Variants in CHRNB3 observed in about 807,000 individuals in gnomAD.
CHRNB3 encodes cholinergic receptor nicotinic beta 3 subunit.
Under a neutral mutation model 40.6 loss-of-function variants are expected in CHRNB3, and 37 were observed. That is an observed-to-expected ratio of 0.91 (90% CI 0.70 to 1.20). CHRNB3 has a LOEUF of 1.20. CHRNB3 is among the 50% of genes most tolerant of loss of function. The pLI is 0.00. For missense variants in CHRNB3, 505 were observed against 551.2 expected, an observed-to-expected ratio of 0.92 and a Z score of 0.84; for synonymous variants, 207 against 207.1, an observed-to-expected ratio of 1.00 and a Z score of 0.00.
intron 3 of CHRNB3, among the ~76,000 whole-genome samples, chr8:42,728,780 A>G (rs984895323): frequency 1.3e-5 from 2 of 152,170 alleles, no homozygotes; most frequent in African/African-American, 4.8e-5. Flanking sequence ...GCCTGCAGTT[A>G]TTATACAGCT....
intron 3 of CHRNB3, among the ~76,000 whole-genome samples, chr8:42,729,215 G>A (rs1282197232): frequency 2.0e-5 from 3 of 151,882 alleles, no homozygotes; most frequent in East Asian, 1.9e-4. Flanking sequence ...AGAGCATCCT[G>A]GCTAACACGG....
chr8:42,735,797 C>G (rs982352447), intron 5 of CHRNB3, among the ~76,000 whole-genome samples: 3 of 152,030 alleles, frequency 2.0e-5, no homozygotes, highest in Non-Finnish European at 2.9e-5. Flanking sequence ...TTGGCAGCAC[C>G]CTTCCTTCTG....
At chr8:42,725,829 C>G in intron 3 of CHRNB3, 5 of 823,526 alleles carry the variant, frequency 6.1e-6, no homozygotes, top group Non-Finnish European at 1.1e-5. Context: ...CATAAGTTTC[C>G]ACTATACGCA....
At chr8:42,716,484 C>A (rs1816108114) in intron 3 of CHRNB3, among the ~76,000 whole-genome samples, 1 of 152,140 alleles carries the variant, frequency 6.6e-6, no homozygotes. Context: ...AGGACAGCGG[C>A]AGCAGAGATA....
At chr8:42,716,099 C>T (rs901238945) in intron 3 of CHRNB3, among the ~76,000 whole-genome samples, 2 of 151,716 alleles carry the variant, frequency 1.3e-5, no homozygotes, top group Non-Finnish European at 2.9e-5. Context: ...CTTCAGCCTC[C>T]CGAGTAGCTG....
At chr8:42,734,915 C>G (rs1441802277) in intron 5 of CHRNB3, among the ~76,000 whole-genome samples, 1 of 151,930 alleles carries the variant, frequency 6.6e-6, no homozygotes, top group Non-Finnish European at 1.5e-5. Flanking sequence ...TGTTTCTTAA[C>G]ATCTTTTAAA....
intron 5 of CHRNB3, among the ~76,000 whole-genome samples, chr8:42,734,737 T>A (rs1236960942): frequency 6.6e-6 from 1 of 151,780 alleles, no homozygotes; most frequent in South Asian, 2.1e-4. Flanking sequence ...TTTTTAGAAA[T>A]ATCCTTCTAC....
chr8:42,729,968 G>T (rs1330236152), intron 3 of CHRNB3, among the ~76,000 whole-genome samples: 1 of 152,142 alleles, frequency 6.6e-6, no homozygotes, highest in Non-Finnish European at 1.5e-5. Context: ...ATGTGTAAGC[G>T]CCTGGAGGCT....
chr8:42,719,436 G>C (rs1410484990), intron 3 of CHRNB3, among the ~76,000 whole-genome samples: 1 of 152,166 alleles, frequency 6.6e-6, no homozygotes, highest in African/African-American at 2.4e-5. Flanking sequence ...TTTGAGGCTA[G>C]GAGTTTGAAA....
chr8:42,706,665 G>A (rs572046179), intron 1 of CHRNB3, among the ~76,000 whole-genome samples: 1 of 152,248 alleles, frequency 6.6e-6, no homozygotes, highest in African/African-American at 2.4e-5. Flanking sequence ...AAGGTTTCCT[G>A]GCTCTTTACA....
chr8:42,710,284 C>T, intron 2 of CHRNB3, 106 bp from the exon 3 acceptor site: 1 of 880,950 alleles, frequency 1.1e-6, no homozygotes, highest in Non-Finnish European at 1.8e-6. Context: ...CACCACTGCA[C>T]TCCAGCCTGG....
rs185455168 is a variant in CHRNB3 at position 42,703,062 on chromosome 8, G to A, written c.52+5464G>A. ...GGTACTTCTTGGCTTTATTGTCTTAGCTTCATTATCAGTTCACTTTTCCTT... is the reference window on the plus strand; with the variant it reads ...GGTACTTCTTGGCTTTATTGTCTTAACTTCATTATCAGTTCACTTTTCCTT... On this transcript the variant is annotated intron_variant, in intron 1 of 5. Coordinates refer to ENST00000289957, the MANE Select transcript of CHRNB3 (RefSeq NM_000749.5). Among the ~76,000 whole-genome samples the A allele has an allele frequency of 8.9e-4, 136 of 152,126 alleles. 1 individual carries two copies. Among genetic ancestry groups the A allele is most frequent in the African/African-American group, 3.2e-3 (132 of 41,536 alleles).
At chr8:42,713,065 T>C (rs558238922) in intron 3 of CHRNB3, among the ~76,000 whole-genome samples, 2 of 152,128 alleles carry the variant, frequency 1.3e-5, no homozygotes, top group Non-Finnish European at 2.9e-5. Context: ...TTTCAGCATG[T>C]TGGCCAGGCT....
At chr8:42,735,894 T>C (rs1563618193) in intron 5 of CHRNB3, among the ~76,000 whole-genome samples, 1 of 152,312 alleles carries the variant, frequency 6.6e-6, no homozygotes, top group East Asian at 1.9e-4. Flanking sequence ...GTGATTCTTT[T>C]CATACGTGTA....
At chr8:42,730,784 C>A in intron 4 of CHRNB3, 81 bp downstream of exon 4, 1 of 784,330 alleles carries the variant, frequency 1.3e-6, no homozygotes, top group Non-Finnish European at 1.9e-6. Flanking sequence ...CGCGGTGGCT[C>A]ACGCCTGTAA....
chr8:42,708,724 A>C lies in CHRNB3; in HGVS notation c.60A>C (p.Thr20=). 6.2e-7 allele frequency: 1 copy of C among 1,613,796 alleles called. No individual in the cohort carries two copies. The highest frequency in any genetic ancestry group is 8.5e-7 in the Non-Finnish European group (1 of 1,179,878). The change falls in exon 2 of 6, where the codon ACA becomes ACC. Residue 20 remains threonine (T), a synonymous_variant. Transcript: ENST00000289957. ...CCCATGATTCTTTTACAGCCACCAC[A>C]GGTTTCAACTCAATCGCCGAAAATG... is the stretch of plus-strand genomic sequence containing the variant. ...IVLGIPSSAT[T]GFNSIAENED...
chr8:42,697,427 T>C lies in CHRNB3; in HGVS notation c.-120T>C, dbSNP rs550423715. ...TTTTATTCCACTCCAGGTGTTGCTGTCCTCTTGGGTTCCACTTCGGATTTT... is the reference window on the plus strand; with the variant it reads ...TTTTATTCCACTCCAGGTGTTGCTGCCCTCTTGGGTTCCACTTCGGATTTT... On this transcript the variant is annotated 5_prime_UTR_variant, in exon 1 of 6. Coordinates refer to ENST00000289957, the MANE Select transcript of CHRNB3 (RefSeq NM_000749.5). 3.0e-5 allele frequency: 23 copies of C among 777,626 alleles called. No individual in the cohort carries two copies. The highest frequency in any genetic ancestry group is 2.9e-4 in the African/African-American group (17 of 58,648). 48.2% of individuals were successfully genotyped at this position (777,626 alleles called of 1,614,324 possible). A position where few individuals can be genotyped will look rare whatever the true frequency, so the allele number is the denominator to read the frequency against.
rs565785544 is a variant in CHRNB3 at position 42,724,745 on chromosome 8, G to A, written c.250-5849G>A. 1.5e-3 allele frequency among the ~76,000 whole-genome samples: 226 copies of A among 152,232 alleles called. 4 individuals are homozygous for A. Among genetic ancestry groups the A allele is most frequent in the African/African-American group, 5.3e-3 (219 of 41,512 alleles). ...TGTAATCCCAGTACTTTGGGAGGCC[G>A]AGGCGGGCGGATCACCTGAGGTCAG... On this transcript the variant is annotated intron_variant, in intron 3 of 5. Transcript: ENST00000289957.
At chr8:42,704,470 G>A (rs1026202974) in intron 1 of CHRNB3, 3 of 152,198 alleles carry the variant, frequency 2.0e-5, no homozygotes, top group Admixed American at 6.5e-5. Context: ...CCTTCACAGG[G>A]AGCACAGCTG....
Sources: allele counts gnomAD v4.1 joint callset (sites outside exome capture counted in the v4.1 genomes callset), GRCh38; gene constraint gnomAD v4.1.1; transcripts MANE v1.5; gene names NCBI Gene and HGNC (gene_info 2026-07-23, HGNC 2026-07-21).